TEX14: variants seen among roughly 807,000 people sequenced by gnomAD.
TEX14 encodes inactive serine/threonine-protein kinase TEX14.
In TEX14, 168 loss-of-function variants were observed where a neutral mutation model predicts 178.6. That is an observed-to-expected ratio of 0.94 (90% CI 0.83 to 1.07). The LOEUF (loss-of-function observed/expected upper bound fraction) is 1.07, where lower values mean the gene tolerates loss of function less well. Among genes scored for constraint, TEX14 ranks in the 50% least tolerant of loss-of-function variants. TEX14 has a pLI of 0.00. For synonymous variants in TEX14, 626 were observed against 634.1 expected, an observed-to-expected ratio of 0.99 and a Z score of 0.19; for missense variants, 1,730 against 1,753.6, an observed-to-expected ratio of 0.99 and a Z score of 0.24.
At chr17:58,606,854 C>A (rs1164699990) in intron 10 of TEX14, among the ~76,000 whole-genome samples, 1 of 151,482 alleles carries the variant, frequency 6.6e-6, no homozygotes, top group East Asian at 1.9e-4. Flanking sequence ...ATGGTGAAAC[C>A]CCATCTCTAC....
chr17:58,559,780 T>C (rs1378333768), intron 29 of TEX14, among the ~76,000 whole-genome samples: 1 of 152,150 alleles, frequency 6.6e-6, no homozygotes, highest in African/African-American at 2.4e-5. Flanking sequence ...ACCACTGCCA[T>C]CCCCATTAAG....
At chr17:58,571,511 T>C (rs1294807428) in intron 24 of TEX14, among the ~76,000 whole-genome samples, 1 of 152,040 alleles carries the variant, frequency 6.6e-6, no homozygotes, top group African/African-American at 2.4e-5. Context: ...GTGCTGGGAT[T>C]ATAGGCTTGA....
chr17:58,573,074 C>G, intron 23 of TEX14, 107 bp downstream of exon 23: 7 of 1,483,634 alleles, frequency 4.7e-6, no homozygotes, highest in Non-Finnish European at 6.4e-6. Context: ...AACCTTTGCA[C>G]TATGACAACA....
At chr17:58,632,111 C>A (rs1345558515) in intron 2 of TEX14, among the ~76,000 whole-genome samples, 3 of 152,234 alleles carry the variant, frequency 2.0e-5, no homozygotes, top group Non-Finnish European at 4.4e-5. Context: ...ACGCGTAACG[C>A]TGACGACTAT....
intron 29 of TEX14, among the ~76,000 whole-genome samples, chr17:58,561,238 AT>A (rs1184294957): frequency 6.6e-6 from 1 of 152,204 alleles, no homozygotes. Context: ...ACCTTTTCTG[AT>A]TTAATTCACA....
intron 15 of TEX14, among the ~76,000 whole-genome samples, chr17:58,592,220 G>A (rs1011119702): frequency 3.4e-5 from 5 of 148,442 alleles, no homozygotes; most frequent in African/African-American, 4.9e-5. Context: ...ACTTAAGTTC[G>A]TTCTTTATTT....
intron 1 of TEX14, chr17:58,661,542 A>G (rs1163991206): frequency 1.3e-6 from 1 of 775,096 alleles, no homozygotes; most frequent in Non-Finnish European, 2.4e-6. Flanking sequence ...TGTTTGCTGG[A>G]ATCGAACAGC....
At chr17:58,602,702 A>ATT in intron 11 of TEX14, 112 bp from the exon 12 acceptor site, 3 of 736,532 alleles carry the variant, frequency 4.1e-6, no homozygotes, top group African/African-American at 1.8e-5. Flanking sequence ...TAACTTCTTT[A>ATT]TTTTTTTTTC....
chr17:58,581,138 C>T (rs1251410305), intron 19 of TEX14, among the ~76,000 whole-genome samples: 1 of 151,918 alleles, frequency 6.6e-6, no homozygotes, highest in Non-Finnish European at 1.5e-5. Context: ...TGGTGAAACC[C>T]CATCTCTACT....
intron 1 of TEX14, among the ~76,000 whole-genome samples, chr17:58,672,450 T>C (rs2047319038): frequency 1.3e-5 from 2 of 152,228 alleles, no homozygotes; most frequent in South Asian, 2.1e-4. Context: ...ATTCCTTTTT[T>C]TGAGACAGAG....
Position 58,572,015 on chromosome 17 carries a change from A to G in TEX14, c.3623T>C (p.Leu1208Ser), listed in dbSNP as rs1343406226. The change falls in exon 24 of 32, where the codon TTG becomes TCG. Residue 1208 changes from leucine (L) to serine (S), a missense_variant. Coordinates refer to ENST00000349033, the MANE Select transcript of TEX14 (RefSeq NM_031272.5). ...CWNSQEFIQTLSDDFISVRER... is the reference protein window; with the variant it reads ...CWNSQEFIQTSSDDFISVRER... ...TCGGACACTTATAAAGTCATCAGAC[A>G]AAGTTTGAATAAATTCTTGACTGTT... The G allele has an allele frequency of 6.2e-7, 1 of 1,613,998 alleles. No homozygotes were observed. Among genetic ancestry groups the G allele is most frequent in the East Asian group, 2.2e-5 (1 of 44,892 alleles).
At chr17:58,559,627 TCAAAA>T in intron 29 of TEX14, 65 bp from the exon 30 acceptor site, 1 of 770,658 alleles carries the variant, frequency 1.3e-6, no homozygotes, top group Non-Finnish European at 2.3e-6. Context: ...AGGACTGTAC[TCAAAA>T]CAAAAAACAA....
chr17:58,612,735 C>CA lies in TEX14; in HGVS notation c.1005+685dup, dbSNP rs35618114. 3.0e-3 allele frequency among the ~76,000 whole-genome samples: 289 copies of CA among 96,844 alleles called. 1 individual carries two copies. The highest frequency in any genetic ancestry group is 6.5e-3 in the South Asian group (19 of 2,904). The allele number at this position is 96,844 out of a possible 152,430, so 63.5% of individuals were successfully genotyped here. ...GGGTGACAGAAGGAGACTCTTGTCT[C>CA]AAAAAAAAAAAAAAAAAAAAAAATT... On this transcript the variant is annotated intron_variant, in intron 9 of 31. Coordinates refer to ENST00000349033, the MANE Select transcript of TEX14 (RefSeq NM_031272.5).
chr17:58,631,642 C>G (rs1000623746), intron 2 of TEX14: 9 of 149,260 alleles, frequency 6.0e-5, no homozygotes, highest in Admixed American at 1.3e-4. Context: ...AAACCCAGAA[C>G]TACTCAGACT....
At chr17:58,578,056 G>C (rs898662525) in intron 20 of TEX14, among the ~76,000 whole-genome samples, 1 of 152,092 alleles carries the variant, frequency 6.6e-6, no homozygotes, top group Non-Finnish European at 1.5e-5. Flanking sequence ...CCACTGTACT[G>C]TCCTAGTTAA....
At position 58,599,476 on chromosome 17, in the gene TEX14, G is replaced by A. The variant is rs375597856; in HGVS notation, c.1869C>T (p.Asn623=). Residue 623 remains asparagine (N), a synonymous_variant, in exon 14 of 32, where the codon AAC becomes AAT. Transcript: ENST00000349033. ...GQPSLCSFEI[N]EIYSGCLILE... ...AAATCAAGCAGCCTGAGTAGATCTC[G>A]TTGATTTCGAAACTGCAGAGGCTTG... is the stretch of plus-strand genomic sequence containing the variant. 137 of 1,613,950 alleles carry A rather than the reference G, an allele frequency of 8.5e-5. No homozygotes were observed. The highest frequency in any genetic ancestry group is 2.2e-4 in the Admixed American group (13 of 59,976).
intron 1 of TEX14, among the ~76,000 whole-genome samples, chr17:58,689,273 G>C (rs1432520499): frequency 1.3e-5 from 2 of 151,196 alleles, no homozygotes; most frequent in Non-Finnish European, 2.9e-5. Context: ...CCAGGCTAGA[G>C]TGCAGTGGCC....
chr17:58,625,986 G>A (rs2046128751), intron 3 of TEX14, among the ~76,000 whole-genome samples: 1 of 151,558 alleles, frequency 6.6e-6, no homozygotes, highest in Non-Finnish European at 1.5e-5. Context: ...CTGACCTCAT[G>A]ATCCACCCAC....
At chr17:58,593,228 T>C (rs948268752) in intron 15 of TEX14, among the ~76,000 whole-genome samples, 3 of 152,340 alleles carry the variant, frequency 2.0e-5, no homozygotes, top group Middle Eastern at 3.4e-3. Flanking sequence ...GTTTAGTTTC[T>C]GGAGCACTGG....
Sources: allele counts gnomAD v4.1 joint callset (sites outside exome capture counted in the v4.1 genomes callset), GRCh38; gene constraint gnomAD v4.1.1; transcripts MANE v1.5; gene names NCBI Gene and HGNC (gene_info 2026-07-23, HGNC 2026-07-21).